Variants in ABTB3 observed in about 807,000 individuals in gnomAD.
ABTB3 encodes the protein ankyrin repeat and BTB domain containing 3.
the ABTB3 span, among the ~76,000 whole-genome samples, chr12:107,535,435 G>A: frequency 6.6e-6 from 1 of 152,204 alleles, no homozygotes; most frequent in South Asian, 2.1e-4. Flanking sequence ...AATTAAGCAA[G>A]AGAAAGAAAT....
At chr12:107,323,975 A>G in the ABTB3 span, among the ~76,000 whole-genome samples, 4 of 152,116 alleles carry the variant, frequency 2.6e-5, no homozygotes, top group Non-Finnish European at 5.9e-5. Flanking sequence ...TAGGATTTGA[A>G]TTTCAAGGCT....
the ABTB3 span, among the ~76,000 whole-genome samples, chr12:107,648,777 G>T: frequency 6.6e-6 from 1 of 152,056 alleles, no homozygotes; most frequent in Admixed American, 6.6e-5. Flanking sequence ...GTTCGCAGGG[G>T]AACAACCCTC....
the ABTB3 span, chr12:107,318,672 C>A: frequency 1.1e-4 from 52 of 455,738 alleles, no homozygotes; most frequent in Non-Finnish European, 1.2e-4. Context: ...CAAGCCCCGG[C>A]GGGAGCTTCC....
chr12:107,416,433 G>A, the ABTB3 span, among the ~76,000 whole-genome samples: 5 of 152,120 alleles, frequency 3.3e-5, no homozygotes, highest in South Asian at 1.0e-3. Flanking sequence ...GGGGTGGGGG[G>A]AAAGCAGAAA....
At chr12:107,334,664 G>A in the ABTB3 span, among the ~76,000 whole-genome samples, 1 of 152,110 alleles carries the variant, frequency 6.6e-6, no homozygotes, top group African/African-American at 2.4e-5. Flanking sequence ...AAAAATTTGG[G>A]AGTTGAGAGC....
At chr12:107,435,745 A>G in the ABTB3 span, among the ~76,000 whole-genome samples, 1 of 152,152 alleles carries the variant, frequency 6.6e-6, no homozygotes, top group Non-Finnish European at 1.5e-5. Context: ...CTCTCTATAC[A>G]GGATATTTTG....
At chr12:107,456,368 C>T in the ABTB3 span, among the ~76,000 whole-genome samples, 4 of 152,310 alleles carry the variant, frequency 2.6e-5, no homozygotes, top group East Asian at 3.9e-4. Context: ...AGTCGTTTCC[C>T]GTTGCTCGCA....
chr12:107,529,038 G>C, the ABTB3 span, among the ~76,000 whole-genome samples: 1 of 152,012 alleles, frequency 6.6e-6, no homozygotes, highest in Middle Eastern at 3.4e-3. Flanking sequence ...TGATGGTGAT[G>C]ATGATGATGG....
the ABTB3 span, among the ~76,000 whole-genome samples, chr12:107,407,167 C>A: frequency 2.0e-5 from 3 of 152,200 alleles, no homozygotes; most frequent in Non-Finnish European, 4.4e-5. Flanking sequence ...GTTTGCTCAT[C>A]TGTAAAATGG....
the ABTB3 span, among the ~76,000 whole-genome samples, chr12:107,359,620 T>G: frequency 1.3e-5 from 2 of 152,184 alleles, no homozygotes; most frequent in Non-Finnish European, 2.9e-5. Context: ...ACTTTGTTTT[T>G]GTCTTGGTGG....
At chr12:107,614,648 A>G in the ABTB3 span, among the ~76,000 whole-genome samples, 1 of 152,242 alleles carries the variant, frequency 6.6e-6, no homozygotes, top group Non-Finnish European at 1.5e-5. Flanking sequence ...CTGCCATTAC[A>G]GCTTCTTCAA....
chr12:107,541,171 A>G, the ABTB3 span, among the ~76,000 whole-genome samples: 27 of 152,300 alleles, frequency 1.8e-4, no homozygotes, highest in South Asian at 3.9e-3. Flanking sequence ...CTCAGACAGG[A>G]AACAGGAAGC....
chr12:107,597,629 A>T, the ABTB3 span, among the ~76,000 whole-genome samples: 1 of 152,156 alleles, frequency 6.6e-6, no homozygotes, highest in African/African-American at 2.4e-5. Context: ...GGACATCCAA[A>T]CCATAGCAGG....
the ABTB3 span, among the ~76,000 whole-genome samples, chr12:107,428,646 T>C: frequency 6.6e-6 from 1 of 152,212 alleles, no homozygotes. Context: ...CTGCTCTTTC[T>C]CTTGCACTCC....
At chr12:107,319,735 G>GTCAGGC in the ABTB3 span, 3 of 1,527,240 alleles carry the variant, frequency 2.0e-6, no homozygotes, top group Non-Finnish European at 2.6e-6. Flanking sequence ...GTGGCCCTGG[G>GTCAGGC]TCAGGCTCGG....
At chr12:107,555,844 A>ACTTTTG in the ABTB3 span, among the ~76,000 whole-genome samples, 14 of 152,312 alleles carry the variant, frequency 9.2e-5, no homozygotes, top group African/African-American at 3.4e-4. Context: ...TCCCCCTTCC[A>ACTTTTG]GAAAAACAGA....
chr12:107,620,171 G>A, the ABTB3 span: 2 of 1,613,642 alleles, frequency 1.2e-6, no homozygotes, highest in Admixed American at 1.7e-5. Flanking sequence ...CAAGGTATGT[G>A]GGGTTTGAGG....
the ABTB3 span, among the ~76,000 whole-genome samples, chr12:107,324,663 T>C: frequency 6.6e-6 from 1 of 152,084 alleles, no homozygotes; most frequent in South Asian, 2.1e-4. Context: ...CTGGCCAGGC[T>C]GGTATCTAAT....
the ABTB3 span, among the ~76,000 whole-genome samples, chr12:107,432,909 C>T: frequency 2.0e-5 from 3 of 152,182 alleles, no homozygotes; most frequent in African/African-American, 7.2e-5. Flanking sequence ...TGAAAAGCTT[C>T]CTTCTCCACA....
Sources: allele counts gnomAD v4.1 joint callset (sites outside exome capture counted in the v4.1 genomes callset), GRCh38; gene constraint gnomAD v4.1.1; transcripts MANE v1.5; gene names NCBI Gene and HGNC (gene_info 2026-07-23, HGNC 2026-07-21).